Variants in PARP6 observed in about 807,000 individuals in gnomAD.
The protein encoded by PARP6 is protein mono-ADP-ribosyltransferase PARP6.
In PARP6, 27 loss-of-function variants were observed where a neutral mutation model predicts 92.0. That is an observed-to-expected ratio of 0.29 (90% CI 0.22 to 0.40). The LOEUF is 0.40. Among genes scored for constraint, PARP6 ranks in the 10% least tolerant of loss-of-function variants. PARP6 has a pLI of 1.00. For missense variants in PARP6, 501 were observed against 784.5 expected (o/e 0.64, Z 4.32); for synonymous variants, 272 against 281.2 (o/e 0.97, Z 0.33).
intron 2 of PARP6, among the ~76,000 whole-genome samples, chr15:72,269,117 A>G (rs1052089454): frequency 2.6e-5 from 4 of 152,056 alleles, no homozygotes; most frequent in African/African-American, 7.2e-5. Context: ...AGCTACTCCA[A>G]CCTCAAACAG....
chr15:72,261,593 G>A lies in PARP6; in HGVS notation c.510C>T (p.Phe170=), dbSNP rs372753835. Residue 170 remains phenylalanine, a synonymous_variant, in exon 9 of 24, where the codon TTC becomes TTT. Coordinates refer to ENST00000569795, the MANE Select transcript of PARP6 (RefSeq NM_001323532.2). The part of the protein sequence containing the change: ...WFKASGTIKK[F]RAGLSIFSPI... Reference sequence around the variant, plus strand: ...GTGAAAAGATGCTGAGGCCAGCTCGGAACTTCTTGATGGTACCACTTGCCT... The same window carrying A: ...GTGAAAAGATGCTGAGGCCAGCTCGAAACTTCTTGATGGTACCACTTGCCT... The A allele has an allele frequency of 5.0e-6, 8 of 1,614,022 alleles. No individual in the cohort carries two copies. Among genetic ancestry groups the A allele is most frequent in the Middle Eastern group, 1.6e-4 (1 of 6,084 alleles).
At position 72,266,730 on chromosome 15, in the gene PARP6, G is replaced by T; in HGVS notation, c.81+15C>A. The stretch of plus-strand genomic sequence containing the variant: ...AGACCATCCAACACGGGGGTCTTGG[G>T]AGATGTAACCTCACCTGAACGCCAT... On this transcript the variant is annotated intron_variant, in intron 4 of 23. Coordinates refer to ENST00000569795, the MANE Select transcript of PARP6 (RefSeq NM_001323532.2). 6.3e-7 allele frequency: 1 copy of T among 1,598,286 alleles called. No individual in the cohort carries two copies.
chr15:72,262,188 T>C (rs1157042162), intron 8 of PARP6, among the ~76,000 whole-genome samples: 1 of 152,228 alleles, frequency 6.6e-6, no homozygotes, highest in African/African-American at 2.4e-5. Context: ...TAGCTAGATT[T>C]GTCAATCCTT....
At position 72,242,744 on chromosome 15, in the gene PARP6, A is replaced by G. The variant is rs989701842; in HGVS notation, c.1562-45T>C. 2.4e-6 allele frequency: 3 copies of G among 1,275,290 alleles called. No homozygotes were observed. Among genetic ancestry groups the G allele is most frequent in the Middle Eastern group, 1.9e-4 (1 of 5,244 alleles). 79.0% of individuals were successfully genotyped at this position (1,275,290 alleles called of 1,614,324 possible). On this transcript the variant is annotated intron_variant, in intron 20 of 23. Coordinates refer to ENST00000569795, the MANE Select transcript of PARP6 (RefSeq NM_001323532.2). The surrounding 1 kb of genome is among the most constrained non-coding windows in gnomAD (Gnocchi z 4.3). ...CCACTTCATTTATCAAAAATTTACG[A>G]AAGTGCCTACTATGTCCCAGCACTG...
rs1386966644 is a variant in PARP6, at chr15:72,265,422, G to A, written c.228C>T (p.Ser76=). The A allele has an allele frequency of 5.6e-6, 9 of 1,612,850 alleles. No individual in the cohort carries two copies. Among genetic ancestry groups the A allele is most frequent in the African/African-American group, 5.3e-5 (4 of 74,912 alleles). Residue 76 remains serine, a synonymous_variant, in exon 6 of 24, where the codon AGC becomes AGT. Transcript: ENST00000569795. ...DVDIDLHINI[S]FLDEEVSTAW... is the part of the protein sequence containing the mutation. Reference sequence around the variant, plus strand: ...TACTAGCCCCACTTACATCGAGGAAGCTGATGTTGATGTGGAGGTCAATGT... The same window carrying A: ...TACTAGCCCCACTTACATCGAGGAAACTGATGTTGATGTGGAGGTCAATGT...
rs765282940 is a variant in PARP6 at position 72,241,327 on chromosome 15, A to G, written c.*128T>C. The stretch of plus-strand genomic sequence containing the variant: ...CTACCATGAAGGCCACCTCTTACAT[A>G]TCCTTTTCCTGCCCCTTGGTAATGG... On this transcript the variant is annotated 3_prime_UTR_variant, in exon 24 of 24. Transcript: ENST00000569795. The surrounding 1 kb of genome is among the most constrained non-coding windows in gnomAD (Gnocchi z 4.1). 56 of 730,474 alleles carry G rather than the reference A, an allele frequency of 7.7e-5. No homozygotes were observed. In the East Asian group the frequency reaches 1.3e-3, roughly 17 times the overall value. The allele number at this position is 730,474 out of a possible 1,614,324, so 45.2% of individuals were successfully genotyped here.
intron 2 of PARP6, among the ~76,000 whole-genome samples, chr15:72,269,289 T>C (rs962763772): frequency 1.3e-5 from 2 of 152,118 alleles, no homozygotes; most frequent in Non-Finnish European, 1.5e-5. Context: ...GCCTCCCACG[T>C]AGCTGGGATT....
In PARP6 at chr15:72,242,970, G is replaced by A; in HGVS notation, c.1562-271C>T. 1 of 431,812 alleles carries A rather than the reference G, an allele frequency of 2.3e-6. No homozygotes were observed. The highest frequency in any genetic ancestry group is 4.1e-6 in the Non-Finnish European group (1 of 243,876). 26.7% of individuals were successfully genotyped at this position (431,812 alleles called of 1,614,324 possible). On this transcript the variant is annotated intron_variant, in intron 20 of 23. Coordinates refer to ENST00000569795, the MANE Select transcript of PARP6 (RefSeq NM_001323532.2). This position sits in a 1 kb window ranked among gnomAD's most constrained non-coding sequence, Gnocchi z 4.3. Reference sequence around the variant, plus strand: ...GCCTAAGAGTTTAAAGAAGTCATGTGGTGACAGCTAGACTGAGAACTGCAG... The same window carrying A: ...GCCTAAGAGTTTAAAGAAGTCATGTAGTGACAGCTAGACTGAGAACTGCAG...
chr15:72,242,794 G>C lies in PARP6; in HGVS notation c.1562-95C>G, dbSNP rs2083204481. ...GAGCTAGATGCTCATCAAAACAGCA[G>C]AGAATAAAACAAAGAAGATTATTTT... On this transcript the variant is annotated intron_variant, in intron 20 of 23. Coordinates refer to ENST00000569795, the MANE Select transcript of PARP6 (RefSeq NM_001323532.2). This position sits in a 1 kb window ranked among gnomAD's most constrained non-coding sequence, Gnocchi z 4.3. 5.5e-6 allele frequency: 4 copies of C among 725,146 alleles called. No homozygotes were observed. The highest frequency in any genetic ancestry group is 2.5e-4 in the Middle Eastern group (1 of 4,062). 44.9% of individuals were successfully genotyped at this position (725,146 alleles called of 1,614,324 possible). A position where few individuals can be genotyped will look rare whatever the true frequency, so the allele number is the denominator to read the frequency against.
In PARP6 at chr15:72,242,672, G is replaced by A. The variant is rs1476971741; in HGVS notation, c.1589C>T (p.Pro530Leu). The A allele has an allele frequency of 6.2e-7, 1 of 1,611,852 alleles. No individual in the cohort carries two copies. Among genetic ancestry groups the A allele is most frequent in the African/African-American group, 1.3e-5 (1 of 74,820 alleles). ...TCTCTGGACCAGCTCATCCTTGGAG[G>A]GCATCCTGTGCTGTCCTTTTCCCAT... ...SGMGKGQHRMPSKDELVQRYN... is the reference protein window; with the variant it reads ...SGMGKGQHRMLSKDELVQRYN... The change falls in exon 21 of 24, where the codon CCC (proline) becomes CTC (leucine). Residue 530 changes from proline to leucine, a missense_variant. By Grantham distance (98) the Pro-to-Leu change is moderately conservative. Coordinates refer to ENST00000569795, the MANE Select transcript of PARP6 (RefSeq NM_001323532.2). The surrounding 1 kb of genome is among the most constrained non-coding windows in gnomAD (Gnocchi z 4.3).
Position 72,250,191 on chromosome 15 carries a change from T to A in PARP6, c.1419-99A>T. 6.5e-6 allele frequency: 5 copies of A among 767,114 alleles called. No individual in the cohort carries two copies. The South Asian group carries it at 7.1e-5, about 11-fold the overall frequency. The allele number at this position is 767,114 out of a possible 1,614,324, so 47.5% of individuals were successfully genotyped here. A position where few individuals can be genotyped will look rare whatever the true frequency, so the allele number is the denominator to read the frequency against. ...CACCCATTCTCACCCACACAGGACA[T>A]GAAGATGGACAGGTACACCTAGTGA... On this transcript the variant is annotated intron_variant, in intron 18 of 23. Transcript: ENST00000569795.
At chr15:72,263,123 A>C (rs1412374811) in intron 8 of PARP6, among the ~76,000 whole-genome samples, 1 of 152,184 alleles carries the variant, frequency 6.6e-6, no homozygotes, top group Non-Finnish European at 1.5e-5. Flanking sequence ...ACCTATCATC[A>C]TCCTACAAAC....
Position 72,259,589 on chromosome 15 carries a change from A to G in PARP6, c.810+19T>C, listed in dbSNP as rs1247289335. ...GACAACAGGGAAGGGCTTCGGAGTGACAATTTTGACTTGATTACCTGAACG... is the reference window on the plus strand; with the variant it reads ...GACAACAGGGAAGGGCTTCGGAGTGGCAATTTTGACTTGATTACCTGAACG... On this transcript the variant is annotated intron_variant, in intron 11 of 23. Transcript: ENST00000569795. 1 of 1,612,726 alleles carries G rather than the reference A, an allele frequency of 6.2e-7. No individual in the cohort carries two copies. Among genetic ancestry groups the G allele is most frequent in the African/African-American group, 1.3e-5 (1 of 75,012 alleles).
At chr15:72,249,970 A>T in intron 19 of PARP6, 50 bp downstream of exon 19, 1 of 1,215,066 alleles carries the variant, frequency 8.2e-7, no homozygotes, top group Non-Finnish European at 1.2e-6. Flanking sequence ...CACAAAACTG[A>T]GTAGGGAAGG....
At chr15:72,257,573 T>A in intron 12 of PARP6, 133 bp from the exon 13 acceptor site, 1 of 658,876 alleles carries the variant, frequency 1.5e-6, no homozygotes, top group Non-Finnish European at 2.7e-6. Flanking sequence ...AGGAGAAAAC[T>A]ACCAATAAAG....
At chr15:72,248,690 T>C (rs2083934933) in intron 20 of PARP6, among the ~76,000 whole-genome samples, 1 of 152,220 alleles carries the variant, frequency 6.6e-6, no homozygotes. Context: ...CAGATTTCCT[T>C]TTCTGAGCTT....
intron 13 of PARP6, among the ~76,000 whole-genome samples, chr15:72,257,109 T>A (rs2085245555): frequency 6.6e-6 from 1 of 152,206 alleles, no homozygotes; most frequent in South Asian, 2.1e-4. Flanking sequence ...TATGACTATG[T>A]TAAAATTTTG....
chr15:72,268,750 C>T (rs1163132303), intron 2 of PARP6, among the ~76,000 whole-genome samples: 2 of 152,232 alleles, frequency 1.3e-5, no homozygotes, highest in Non-Finnish European at 2.9e-5. Context: ...GTTATGGTCT[C>T]AGTTGTCATT....
rs1192360046 is a variant in PARP6, at chr15:72,251,599, G to GA, written c.1260-345dup. Among the ~76,000 whole-genome samples the GA allele has an allele frequency of 3.9e-5, 6 of 152,114 alleles. No individual in the cohort carries two copies. In the South Asian group the frequency reaches 6.2e-4, roughly 16 times the overall value. On this transcript the variant is annotated intron_variant, in intron 16 of 23. Transcript: ENST00000569795. ...AGAGGTCACCTACAAAAAAAGAAAA[G>GA]AAAAAACAGCAAGAGGTCTGAATTA...
Sources: allele counts gnomAD v4.1 joint callset (sites outside exome capture counted in the v4.1 genomes callset), GRCh38; gene constraint gnomAD v4.1.1; non-coding constraint Gnocchi (gnomAD v3.1); transcripts MANE v1.5; gene names NCBI Gene and HGNC (gene_info 2026-07-23, HGNC 2026-07-21).